The following GPHN variants were observed in gnomAD, a reference collection of about 807,000 sequenced individuals.
GPHN encodes the protein gephyrin.
GPHN carries 17 observed loss-of-function variants against 95.5 expected under a neutral mutation model. That is an observed-to-expected ratio of 0.18 (90% CI 0.12 to 0.27). The LOEUF (loss-of-function observed/expected upper bound fraction) is 0.27. Ranked by LOEUF, GPHN falls within the 10% of genes least tolerant of loss-of-function variation. The pLI is 1.00. For missense variants in GPHN, 660 were observed against 978.1 expected (o/e 0.67, Z 4.34); for synonymous variants, 320 against 322.5 (o/e 0.99, Z 0.08).
the GPHN span, among the ~76,000 whole-genome samples, chr14:67,427,432 C>T: frequency 3.3e-5 from 5 of 152,118 alleles, no homozygotes; most frequent in Non-Finnish European, 7.4e-5. Context: ...CTTCGGCGGG[C>T]CCTGGGTTCC....
At chr14:67,659,968 A>C in the GPHN span, 2 of 1,568,966 alleles carry the variant, frequency 1.3e-6, no homozygotes, top group Non-Finnish European at 1.7e-6. Flanking sequence ...TTCTTCCCTC[A>C]CTCATTTGGA....
chr14:66,833,065 C>G (rs1417268537), intron 4 of GPHN, among the ~76,000 whole-genome samples: 1 of 152,038 alleles, frequency 6.6e-6, no homozygotes, highest in Non-Finnish European at 1.5e-5. Context: ...AGAGAGGTAC[C>G]AAATACAGAA....
chr14:67,075,773 C>T (rs184922641), intron 11 of GPHN, among the ~76,000 whole-genome samples: 1 of 152,244 alleles, frequency 6.6e-6, no homozygotes, highest in East Asian at 1.9e-4. Flanking sequence ...GAGATGAAAC[C>T]TGAAGATGTG....
the GPHN span, among the ~76,000 whole-genome samples, chr14:67,304,845 G>A: frequency 3.3e-5 from 5 of 152,166 alleles, no homozygotes; most frequent in Non-Finnish European, 5.9e-5. Context: ...TAACATGGAA[G>A]CTTGATGTAT....
At chr14:67,564,049 C>T in the GPHN span, among the ~76,000 whole-genome samples, 1 of 151,864 alleles carries the variant, frequency 6.6e-6, no homozygotes, top group African/African-American at 2.4e-5. Flanking sequence ...CCACAGGCAC[C>T]TGCCACCACG....
intron 1 of GPHN, among the ~76,000 whole-genome samples, chr14:66,616,305 G>A (rs535097812): frequency 2.2e-5 from 2 of 92,632 alleles, no homozygotes; most frequent in Admixed American, 1.3e-4. Context: ...CTGTCCTTTC[G>A]GGTTTTCAGC....
the GPHN span, chr14:67,662,588 A>G: frequency 1.3e-6 from 2 of 1,500,774 alleles, no homozygotes; most frequent in Non-Finnish European, 1.8e-6. Flanking sequence ...ACACATTTGT[A>G]AAGGCCATTC....
chr14:67,291,526 A>G, the GPHN span, among the ~76,000 whole-genome samples: 1 of 151,626 alleles, frequency 6.6e-6, no homozygotes, highest in South Asian at 2.1e-4. Context: ...CTCATGATCT[A>G]CCTGTCTGGG....
At chr14:67,304,819 CTT>C in the GPHN span, among the ~76,000 whole-genome samples, 1 of 152,040 alleles carries the variant, frequency 6.6e-6, no homozygotes, top group Non-Finnish European at 1.5e-5. Context: ...AAAAATGAAA[CTT>C]TAAAGTGTTG....
intron 9 of GPHN, among the ~76,000 whole-genome samples, chr14:66,970,328 G>A (rs117605393): frequency 0.019 from 2,922 of 152,156 alleles, 37 homozygotes; most frequent in Middle Eastern, 0.034. Context: ...AGATTGCTCT[G>A]GTTAAGTTAT....
chr14:67,074,852 C>T (rs2153659416), intron 11 of GPHN, among the ~76,000 whole-genome samples: 1 of 152,226 alleles, frequency 6.6e-6, no homozygotes, highest in African/African-American at 2.4e-5. Flanking sequence ...AAGTTTGAAG[C>T]CAGCAGAGGT....
chr14:66,944,797 T>C (rs1170458618), intron 8 of GPHN, among the ~76,000 whole-genome samples: 1 of 152,232 alleles, frequency 6.6e-6, no homozygotes, highest in African/African-American at 2.4e-5. Flanking sequence ...TGAAACCCCT[T>C]TCCCTGGGGA....
intron 1 of GPHN, among the ~76,000 whole-genome samples, chr14:66,592,511 C>T (rs908288473): frequency 2.0e-5 from 3 of 150,322 alleles, no homozygotes; most frequent in African/African-American, 7.3e-5. Flanking sequence ...AGATATTTCC[C>T]AGAAGAAGAC....
chr14:67,525,054 A>T, the GPHN span, among the ~76,000 whole-genome samples: 1 of 152,204 alleles, frequency 6.6e-6, no homozygotes, highest in African/African-American at 2.4e-5. Context: ...GAGGATCAAT[A>T]CTTTTAAAAC....
At chr14:66,908,502 T>G (rs1376552428) in intron 5 of GPHN, among the ~76,000 whole-genome samples, 2 of 152,098 alleles carry the variant, frequency 1.3e-5, no homozygotes, top group Non-Finnish European at 2.9e-5. Context: ...AAATGTCCTG[T>G]GCATATAATT....
the GPHN span, among the ~76,000 whole-genome samples, chr14:67,711,213 A>G: frequency 3.9e-5 from 6 of 152,312 alleles, no homozygotes; most frequent in African/African-American, 1.2e-4. Flanking sequence ...ACCAATATCA[A>G]TGTCTTATTT....
At chr14:67,485,936 C>T in the GPHN span, among the ~76,000 whole-genome samples, 1 of 152,234 alleles carries the variant, frequency 6.6e-6, no homozygotes, top group Non-Finnish European at 1.5e-5. Context: ...CCCCCACCTC[C>T]CAGGGCCCTG....
chr14:67,042,405 A>G (rs995904850), intron 10 of GPHN, among the ~76,000 whole-genome samples: 2 of 152,118 alleles, frequency 1.3e-5, no homozygotes, highest in Admixed American at 6.5e-5. Flanking sequence ...TGATTTTTGT[A>G]TAAGGTGTAA....
At chr14:66,771,593 A>G (rs2059175409) in intron 2 of GPHN, among the ~76,000 whole-genome samples, 1 of 152,010 alleles carries the variant, frequency 6.6e-6, no homozygotes. Flanking sequence ...TTTTTATCAT[A>G]TATTAAGTTT....
Sources: allele counts gnomAD v4.1 joint callset (sites outside exome capture counted in the v4.1 genomes callset), GRCh38; gene constraint gnomAD v4.1.1; transcripts MANE v1.5; gene names NCBI Gene and HGNC (gene_info 2026-07-23, HGNC 2026-07-21).